The following LRRC20 variants were observed in gnomAD, a reference collection of about 807,000 sequenced individuals.
LRRC20 encodes the protein leucine-rich repeat-containing protein 20.
A neutral mutation model predicts 14.4 loss-of-function variants in LRRC20; 11 were observed. The observed-to-expected ratio is 0.77, with a 90% CI of 0.48 to 1.27. The LOEUF is 1.27. Among genes scored for constraint, LRRC20 ranks in the 50% most tolerant of loss-of-function variants. The pLI, the probability that LRRC20 is intolerant of heterozygous loss-of-function variation, is 0.00. For synonymous variants in LRRC20, 121 were observed against 107.3 expected (o/e 1.13, Z -0.79); for missense variants, 219 against 251.2 (o/e 0.87, Z 0.87).
chr10:70,303,704 A>T (rs1406964038), intron 4 of LRRC20, among the ~76,000 whole-genome samples: 1 of 152,238 alleles, frequency 6.6e-6, no homozygotes, highest in African/African-American at 2.4e-5. Context: ...CTGAAGACGC[A>T]GCACAGCCTA....
chr10:70,306,537 A>C (rs917272888), intron 4 of LRRC20, among the ~76,000 whole-genome samples: 12 of 152,172 alleles, frequency 7.9e-5, no homozygotes, highest in Non-Finnish European at 5.9e-5. Flanking sequence ...CCTCAGCTGA[A>C]GACTGCACAG....
intron 1 of LRRC20, among the ~76,000 whole-genome samples, chr10:70,379,268 G>A (rs1204188733): frequency 1.3e-5 from 2 of 152,186 alleles, no homozygotes; most frequent in Non-Finnish European, 2.9e-5. Flanking sequence ...TGGCAAACTG[G>A]ACCCAACAAC....
rs1842363487 is a variant in LRRC20, at chr10:70,327,277, T to C, written c.233-3247A>G. The stretch of plus-strand genomic sequence containing the variant: ...GATATCAGCAGTTAAATCAGTGGAC[T>C]GAGTAAAAAGATCTCAGCCAGGCTC... On this transcript the variant is annotated intron_variant, in intron 3 of 4. Transcript: ENST00000446961. Among the ~76,000 whole-genome samples the C allele has an allele frequency of 2.0e-5, 3 of 152,160 alleles. No homozygotes were observed. The South Asian group carries it at 6.2e-4, about 31-fold the overall frequency.
chr10:70,348,811 C>T lies in LRRC20; in HGVS notation c.83-8109G>A, dbSNP rs182730091. On this transcript the variant is annotated intron_variant, in intron 2 of 4. Transcript: ENST00000446961. The stretch of plus-strand genomic sequence containing the variant: ...GGAAAGGGGCCAACAGCCTTCTGCA[C>T]GAGCCAGTCACCTTCTGTTCTCTGG... Among the ~76,000 whole-genome samples, 333 of 152,364 alleles carry T rather than the reference C, an allele frequency of 2.2e-3. 1 individual carries two copies. The highest frequency in any genetic ancestry group is 6.8e-3 in the Middle Eastern group (2 of 294).
intron 4 of LRRC20, among the ~76,000 whole-genome samples, chr10:70,311,447 C>T (rs774378853): frequency 2.6e-5 from 4 of 152,018 alleles, no homozygotes; most frequent in Non-Finnish European, 5.9e-5. Context: ...GTCTCGAACT[C>T]CTGACCTCAA....
At chr10:70,370,072 C>T (rs1377008916) in intron 2 of LRRC20, among the ~76,000 whole-genome samples, 1 of 152,156 alleles carries the variant, frequency 6.6e-6, no homozygotes, top group Non-Finnish European at 1.5e-5. Context: ...TAAAAATCTA[C>T]TACCTGATAA....
chr10:70,303,958 G>A (rs1296269973), intron 4 of LRRC20, among the ~76,000 whole-genome samples: 2 of 152,132 alleles, frequency 1.3e-5, no homozygotes, highest in Non-Finnish European at 2.9e-5. Context: ...TGTCCTCAAT[G>A]CCAATGAATT....
chr10:70,338,536 A>C (rs921319920), intron 3 of LRRC20, among the ~76,000 whole-genome samples: 1 of 152,166 alleles, frequency 6.6e-6, no homozygotes, highest in Non-Finnish European at 1.5e-5. Context: ...TTCCCAGTTG[A>C]TAGACATTTG....
chr10:70,306,151 C>CT (rs1564609180), intron 4 of LRRC20, among the ~76,000 whole-genome samples: 1 of 151,792 alleles, frequency 6.6e-6, no homozygotes, highest in East Asian at 1.9e-4. Context: ...CACACACACG[C>CT]TTTTTTTCTG....
At chr10:70,326,604 C>G (rs540656189) in intron 3 of LRRC20, among the ~76,000 whole-genome samples, 34 of 152,218 alleles carry the variant, frequency 2.2e-4, no homozygotes, top group Non-Finnish European at 3.4e-4. Context: ...CACGCAAACC[C>G]AGGCTTCCCC....
chr10:70,364,499 TC>T (rs1361063389), intron 2 of LRRC20, among the ~76,000 whole-genome samples: 1 of 152,234 alleles, frequency 6.6e-6, no homozygotes, highest in Admixed American at 6.5e-5. Context: ...ATTAAGTGTT[TC>T]CTGAGTACTC....
chr10:70,321,462 G>A (rs1162784004), intron 4 of LRRC20, among the ~76,000 whole-genome samples: 1 of 152,234 alleles, frequency 6.6e-6, no homozygotes, highest in African/African-American at 2.4e-5. Flanking sequence ...ATCAGGGAGA[G>A]ATAGAAAATA....
intron 2 of LRRC20, among the ~76,000 whole-genome samples, chr10:70,343,503 C>A (rs1215357651): frequency 6.6e-6 from 1 of 152,202 alleles, no homozygotes; most frequent in Non-Finnish European, 1.5e-5. Flanking sequence ...GTGTCAAGCA[C>A]CAGCTCTTCT....
intron 2 of LRRC20, among the ~76,000 whole-genome samples, chr10:70,342,051 C>T (rs1443366816): frequency 6.6e-6 from 1 of 152,048 alleles, no homozygotes; most frequent in East Asian, 1.9e-4. Flanking sequence ...GCAATCCCAG[C>T]ACTTTGGGAG....
chr10:70,329,466 A>C (rs1160250250), intron 3 of LRRC20, among the ~76,000 whole-genome samples: 3 of 151,816 alleles, frequency 2.0e-5, no homozygotes, highest in Admixed American at 2.0e-4. Context: ...TACCAAGTTG[A>C]GGTAGTTTCC....
At chr10:70,334,541 C>T (rs960190672) in intron 3 of LRRC20, among the ~76,000 whole-genome samples, 2 of 152,142 alleles carry the variant, frequency 1.3e-5, no homozygotes, top group Non-Finnish European at 1.5e-5. Context: ...TGTTCACTGG[C>T]ACACCCCCTT....
intron 4 of LRRC20, among the ~76,000 whole-genome samples, chr10:70,316,195 C>T (rs1030089821): frequency 2.0e-5 from 3 of 152,132 alleles, no homozygotes; most frequent in East Asian, 1.9e-4. Context: ...TGCAGTGGTG[C>T]AATCTTGGCT....
chr10:70,305,406 G>C (rs911409929), intron 4 of LRRC20, among the ~76,000 whole-genome samples: 1 of 152,040 alleles, frequency 6.6e-6, no homozygotes, highest in African/African-American at 2.4e-5. Context: ...CCCCCACCCA[G>C]ATAAAAATAG....
intron 3 of LRRC20, among the ~76,000 whole-genome samples, chr10:70,336,185 C>G (rs1377001427): frequency 6.6e-6 from 1 of 152,214 alleles, no homozygotes; most frequent in African/African-American, 2.4e-5. Flanking sequence ...AATTTGGGCT[C>G]TGCTGTTATC....
Sources: gnomAD v4.1 joint callset for allele counts (sites outside exome capture counted in the v4.1 genomes callset) on GRCh38, gnomAD v4.1.1 for gene constraint, MANE v1.5 for transcripts, NCBI Gene and HGNC (gene_info 2026-07-23, HGNC 2026-07-21) for gene names.